Variants in TNFRSF19 observed in about 807,000 individuals in gnomAD.
TNFRSF19 encodes TNF receptor superfamily member 19, also known as tumor necrosis factor receptor superfamily member 19.
Under a neutral mutation model 46.4 loss-of-function variants are expected in TNFRSF19, and 27 were observed. That is an observed-to-expected ratio of 0.58 (90% confidence interval 0.43 to 0.80). The LOEUF (loss-of-function observed/expected upper bound fraction) is 0.80. Ranked by LOEUF, TNFRSF19 falls within the 30% of genes least tolerant of loss-of-function variation. TNFRSF19 has a pLI of 0.00. For missense variants in TNFRSF19, 511 were observed against 530.8 expected, an observed-to-expected ratio of 0.96 and a Z score of 0.37; for synonymous variants, 204 against 205.0, an observed-to-expected ratio of 1.00 and a Z score of 0.04.
At chr13:23,661,561 A>G (rs994170896) in intron 7 of TNFRSF19, among the ~76,000 whole-genome samples, 1 of 152,212 alleles carries the variant, frequency 6.6e-6, no homozygotes, top group South Asian at 2.1e-4. Context: ...TAAACCCAGT[A>G]ATGGGATTGC....
At chr13:23,571,197 A>G (rs1348623523) in intron 1 of TNFRSF19, among the ~76,000 whole-genome samples, 1 of 152,246 alleles carries the variant, frequency 6.6e-6, no homozygotes, top group Non-Finnish European at 1.5e-5. Context: ...AAGTATTTAC[A>G]GGTTACCTTA....
intron 5 of TNFRSF19, among the ~76,000 whole-genome samples, chr13:23,646,304 T>G (rs372089571): frequency 7.2e-5 from 11 of 152,316 alleles, no homozygotes; most frequent in East Asian, 3.9e-4. Context: ...AGTTTGCCAC[T>G]TCAGCCTTTT....
chr13:23,635,676 G>T (rs143737647), intron 5 of TNFRSF19, among the ~76,000 whole-genome samples: 1 of 152,128 alleles, frequency 6.6e-6, no homozygotes, highest in African/African-American at 2.4e-5. Context: ...ACAGAGCCTG[G>T]TCTAAAACAT....
Position 23,578,645 on chromosome 13 carries a change from C to T in TNFRSF19, c.-35+7797C>T, listed in dbSNP as rs572485972. 3.9e-5 allele frequency among the ~76,000 whole-genome samples: 6 copies of T among 152,340 alleles called. No individual in the cohort carries two copies. In the South Asian group the frequency reaches 1.2e-3, roughly 32 times the overall value. On this transcript the variant is annotated intron_variant, in intron 1 of 9. Coordinates refer to ENST00000248484, the MANE Select transcript of TNFRSF19 (RefSeq NM_148957.4). ...TTGGTACCAAAGTCATGCACCGTAT[C>T]TTGGGTGAACGAATAGAACAATACT...
intron 3 of TNFRSF19, among the ~76,000 whole-genome samples, chr13:23,606,261 C>G (rs1880502835): frequency 6.6e-6 from 1 of 152,110 alleles, no homozygotes; most frequent in African/African-American, 2.4e-5. Flanking sequence ...GAGCTGTCCC[C>G]CTGTGAAGTA....
intron 7 of TNFRSF19, among the ~76,000 whole-genome samples, chr13:23,667,759 C>T (rs556644779): frequency 6.6e-6 from 1 of 152,044 alleles, no homozygotes; most frequent in Non-Finnish European, 1.5e-5. Flanking sequence ...TAGCATCCCC[C>T]CTTCTTCATC....
At position 23,668,826 on chromosome 13, in the gene TNFRSF19, C is replaced by G. The variant is rs1368404175; in HGVS notation, c.974C>G (p.Ser325Cys). 2 of 1,614,246 alleles carry G rather than the reference C, an allele frequency of 1.2e-6. No homozygotes were observed. The highest frequency in any genetic ancestry group is 1.1e-5 in the South Asian group (1 of 91,084). ...GGTGACAACATCTCTTTTTGTGACTCTTATCCTGAACTCACTGGAGAAGAC... is the reference window on the plus strand; with the variant it reads ...GGTGACAACATCTCTTTTTGTGACTGTTATCCTGAACTCACTGGAGAAGAC... The part of the protein sequence containing the change: ...MGGDNISFCD[S>C]YPELTGEDIH... The change falls in exon 9 of 10, where the codon TCT becomes TGT. Residue 325 changes from serine to cysteine, a missense_variant. Physicochemically the swap from Ser to Cys is moderately radical, Grantham distance 112 (BLOSUM62 -1). Coordinates refer to ENST00000248484, the MANE Select transcript of TNFRSF19 (RefSeq NM_148957.4).
At chr13:23,626,861 C>T (rs1182268683) in intron 5 of TNFRSF19, 69 bp downstream of exon 5, 46 of 1,503,558 alleles carry the variant, frequency 3.1e-5, no homozygotes, top group Non-Finnish European at 3.8e-5. Flanking sequence ...AATTTGTAAA[C>T]GTTTCTTCTC....
intron 5 of TNFRSF19, among the ~76,000 whole-genome samples, chr13:23,657,743 G>C (rs1884076562): frequency 6.6e-6 from 1 of 151,912 alleles, no homozygotes; most frequent in African/African-American, 2.4e-5. Flanking sequence ...GTCCAGGCTG[G>C]AGCGCAGTGG....
chr13:23,622,928 T>A (rs552297022), intron 4 of TNFRSF19, among the ~76,000 whole-genome samples: 31 of 152,286 alleles, frequency 2.0e-4, no homozygotes, highest in African/African-American at 7.0e-4. Flanking sequence ...TGTGATTTTT[T>A]AAAAAAATTG....
chr13:23,644,863 A>T (rs1171872474), intron 5 of TNFRSF19, among the ~76,000 whole-genome samples: 1 of 152,158 alleles, frequency 6.6e-6, no homozygotes, highest in Non-Finnish European at 1.5e-5. Context: ...GAAGTTTCAA[A>T]AGTAACATCA....
chr13:23,611,277 T>C (rs1880896389), intron 3 of TNFRSF19, among the ~76,000 whole-genome samples: 1 of 152,122 alleles, frequency 6.6e-6, no homozygotes, highest in Non-Finnish European at 1.5e-5. Context: ...AAATGAAAGC[T>C]CAGTGTAGAA....
intron 1 of TNFRSF19, among the ~76,000 whole-genome samples, chr13:23,579,943 G>C (rs1878281751): frequency 6.6e-6 from 1 of 152,244 alleles, no homozygotes; most frequent in South Asian, 2.1e-4. Flanking sequence ...GCGGCTGCAG[G>C]GGTCTCGGGG....
rs73156765 is a variant in TNFRSF19, at chr13:23,620,732, T to C, written c.359+4687T>C. Among the ~76,000 whole-genome samples, 365 of 152,260 alleles carry C rather than the reference T, an allele frequency of 2.4e-3. 2 individuals carry two copies. Among genetic ancestry groups the C allele is most frequent in the Non-Finnish European group, 4.4e-3 (297 of 68,012 alleles). On this transcript the variant is annotated intron_variant, in intron 4 of 9. Transcript: ENST00000248484. ...AAAACTTGGCATGACTTTTTCAGAG[T>C]GTGGCCAACAGGCCTCCAAGCTCCT...
intron 7 of TNFRSF19, among the ~76,000 whole-genome samples, chr13:23,665,140 A>G (rs1417561567): frequency 1.3e-5 from 2 of 152,144 alleles, no homozygotes; most frequent in African/African-American, 2.4e-5. Flanking sequence ...CTTAGACACT[A>G]TTAATGGTAA....
At chr13:23,572,513 CT>C (rs1877697446) in intron 1 of TNFRSF19, among the ~76,000 whole-genome samples, 1 of 152,094 alleles carries the variant, frequency 6.6e-6, no homozygotes. Flanking sequence ...TTTAAAATGA[CT>C]GTTTATCCTG....
chr13:23,675,009 T>C lies in TNFRSF19; in HGVS notation c.*1629T>C, dbSNP rs1951808929. On this transcript the variant is annotated 3_prime_UTR_variant, in exon 10 of 10. Coordinates refer to ENST00000248484, the MANE Select transcript of TNFRSF19 (RefSeq NM_148957.4). ...TGAAATAGGAAATGAGAATGTTTCATTGTAGCCCCAAGCGGTCATGTCAAC... is the reference window on the plus strand; with the variant it reads ...TGAAATAGGAAATGAGAATGTTTCACTGTAGCCCCAAGCGGTCATGTCAAC... The C allele has an allele frequency of 2.0e-5, 3 of 152,212 alleles. No individual in the cohort carries two copies. The South Asian group carries it at 6.2e-4, about 32-fold the overall frequency. 9.4% of individuals were successfully genotyped at this position (152,212 alleles called of 1,614,324 possible).
intron 5 of TNFRSF19, among the ~76,000 whole-genome samples, chr13:23,649,160 C>CT (rs1329761989): frequency 2.6e-5 from 4 of 152,052 alleles, no homozygotes; most frequent in African/African-American, 7.2e-5. Flanking sequence ...GTTAATTCTT[C>CT]TTTAAGTATT....
chr13:23,621,905 C>G (rs914959272), intron 4 of TNFRSF19, among the ~76,000 whole-genome samples: 3 of 151,836 alleles, frequency 2.0e-5, no homozygotes, highest in African/African-American at 7.3e-5. Flanking sequence ...GAGCCAAGAT[C>G]GCACCACTGC....
Sources: gnomAD v4.1 joint callset for allele counts (sites outside exome capture counted in the v4.1 genomes callset) on GRCh38, gnomAD v4.1.1 for gene constraint, MANE v1.5 for transcripts, NCBI Gene and HGNC (gene_info 2026-07-23, HGNC 2026-07-21) for gene names.